CDK13: variants seen among roughly 807,000 people sequenced by gnomAD.
CDK13 encodes cyclin dependent kinase 13.
A neutral mutation model predicts 137.6 loss-of-function variants in CDK13; 40 were observed. The ratio of observed to expected loss-of-function variants is 0.29; its 90% CI spans 0.23 to 0.38. The LOEUF (loss-of-function observed/expected upper bound fraction) is 0.38. Ranked by LOEUF, CDK13 falls within the 10% of genes least tolerant of loss-of-function variation. The pLI, the probability that CDK13 is intolerant of heterozygous loss-of-function variation, is 1.00. For missense variants in CDK13, 1,704 were observed against 1,951.8 expected (o/e 0.87, Z 2.39); for synonymous variants, 869 against 760.1 (o/e 1.14, Z -2.36).
chr7:40,075,061 T>C lies in CDK13; in HGVS notation c.2781-2944T>C, dbSNP rs1397962923. Reference sequence around the variant, plus strand: ...TATAGTATTGATTATAATTCATGTGTAATAAAATTTTGAGGAGAATAAGTA... The same window carrying C: ...TATAGTATTGATTATAATTCATGTGCAATAAAATTTTGAGGAGAATAAGTA... On this transcript the variant is annotated intron_variant, in intron 9 of 13. Transcript: ENST00000181839. Among the ~76,000 whole-genome samples the C allele has an allele frequency of 3.4e-4, 52 of 152,098 alleles. 1 individual carries two copies. Among genetic ancestry groups the C allele is most frequent in the Admixed American group, 3.3e-3 (51 of 15,252 alleles).
At chr7:39,967,509 A>G (rs1455373804) in intron 1 of CDK13, among the ~76,000 whole-genome samples, 1 of 152,196 alleles carries the variant, frequency 6.6e-6, no homozygotes, top group Middle Eastern at 3.4e-3. Flanking sequence ...ATGGACACCT[A>G]GGTTGCTTCC....
intron 5 of CDK13, among the ~76,000 whole-genome samples, chr7:40,011,572 C>T (rs1784895066): frequency 4.6e-5 from 7 of 152,262 alleles, no homozygotes; most frequent in Admixed American, 3.9e-4. Context: ...GCTGGGATAA[C>T]TGGATATCCA....
chr7:40,021,120 T>TACACAC (rs1456910118), intron 5 of CDK13, among the ~76,000 whole-genome samples: 38 of 108,028 alleles, frequency 3.5e-4, no homozygotes, highest in African/African-American at 1.1e-3. Context: ...TATATATATA[T>TACACAC]ATACACACAC....
chr7:39,965,689 G>A (rs537810702), intron 1 of CDK13, among the ~76,000 whole-genome samples: 1 of 152,190 alleles, frequency 6.6e-6, no homozygotes, highest in East Asian at 1.9e-4. Context: ...TTGCTCATTA[G>A]TTGATGCAGT....
Position 40,092,378 on chromosome 7 carries a change from AAT to A in CDK13, c.3236-405_3236-404del, listed in dbSNP as rs569459768. The A allele has an allele frequency of 3.5e-3, 561 of 161,586 alleles. 2 individuals carry two copies. The highest frequency in any genetic ancestry group is 5.4e-3 in the Non-Finnish European group (395 of 73,330). 10.0% of individuals were successfully genotyped at this position (161,586 alleles called of 1,614,324 possible). On this transcript the variant is annotated intron_variant, in intron 12 of 13. Transcript: ENST00000181839. ...TTCTTCTCAGTAAAAGGAGGCTAAT[AAT>A]AGAGTCTGCCTTCTAAGGTTGTTGT...
In CDK13 at chr7:39,951,531, C is replaced by A; in HGVS notation, c.890C>A (p.Pro297His). ...CCGCCTTCGGCCTACAAGGAACCGC[C>A]CAAGGCCTACCGGGAGGACAAGACC... is the stretch of plus-strand genomic sequence containing the variant. ...KEPPSAYKEP[P>H]KAYREDKTEP... is the part of the protein sequence containing the mutation. The change falls in exon 1 of 14, where the codon CCC (proline) becomes CAC (histidine). Residue 297 changes from proline to histidine, a missense_variant. By Grantham distance (77) the Pro-to-His change is moderately conservative. Around this residue, in one of 5 missense-constraint regions of CDK13, gnomAD observed 1,051 missense variants for 931.0 expected, o/e 1.13. Coordinates refer to ENST00000181839, the MANE Select transcript of CDK13 (RefSeq NM_003718.5). 6.5e-7 allele frequency: 1 copy of A among 1,535,972 alleles called. No individual in the cohort carries two copies.
intron 1 of CDK13, chr7:39,986,282 A>G (rs1784336657): frequency 6.6e-6 from 1 of 152,196 alleles, no homozygotes; most frequent in African/African-American, 2.4e-5. Context: ...AAGTCTTGGT[A>G]ATGCATGGAT....
intron 1 of CDK13, among the ~76,000 whole-genome samples, chr7:39,957,635 A>G (rs1787459105): frequency 6.6e-6 from 1 of 152,170 alleles, no homozygotes; most frequent in Non-Finnish European, 1.5e-5. Context: ...CTTCTACTTT[A>G]TTAGAATGAG....
At chr7:39,969,202 A>G (rs926378193) in intron 1 of CDK13, among the ~76,000 whole-genome samples, 2 of 152,044 alleles carry the variant, frequency 1.3e-5, no homozygotes, top group African/African-American at 4.8e-5. Context: ...TAGTAGAGAC[A>G]GGGTTTCACC....
At chr7:40,036,137 C>T (rs890370320) in intron 5 of CDK13, among the ~76,000 whole-genome samples, 23 of 150,338 alleles carry the variant, frequency 1.5e-4, no homozygotes, top group Non-Finnish European at 2.7e-4. Context: ...GCCTGGGCAA[C>T]AGAGTGAGAC....
At chr7:39,996,009 A>C (rs1784553741) in intron 2 of CDK13, among the ~76,000 whole-genome samples, 1 of 152,212 alleles carries the variant, frequency 6.6e-6, no homozygotes, top group African/African-American at 2.4e-5. Flanking sequence ...GACTGTCTTA[A>C]AGAAACAAAA....
chr7:39,971,292 A>G (rs1308202729), intron 1 of CDK13, among the ~76,000 whole-genome samples: 3 of 151,192 alleles, frequency 2.0e-5, no homozygotes, highest in South Asian at 2.1e-4. Context: ...CTAGGGCAGC[A>G]GATCAACTGA....
intron 5 of CDK13, among the ~76,000 whole-genome samples, chr7:40,029,496 C>T (rs201409508): frequency 6.6e-6 from 1 of 151,276 alleles, no homozygotes; most frequent in Non-Finnish European, 1.5e-5. Flanking sequence ...CTGAGGTGGG[C>T]GGATCACAAG....
At position 39,951,748 on chromosome 7, in the gene CDK13, C is replaced by G; in HGVS notation, c.1107C>G (p.Ser369Arg). 1.3e-6 allele frequency: 2 copies of G among 1,497,174 alleles called. No individual in the cohort carries two copies. The highest frequency in any genetic ancestry group is 8.8e-7 in the Non-Finnish European group (1 of 1,135,254). 92.7% of individuals were successfully genotyped at this position (1,497,174 alleles called of 1,614,324 possible). A position where few individuals can be genotyped will look rare whatever the true frequency, so the allele number is the denominator to read the frequency against. Residue 369 changes from serine to arginine, a missense_variant, in exon 1 of 14, where the codon AGC becomes AGG. By Grantham distance (110) the Ser-to-Arg change is moderately radical. This residue lies in a region of CDK13 where 1,051 missense variants were observed against 931.0 expected (regional missense o/e 1.13). Coordinates refer to ENST00000181839, the MANE Select transcript of CDK13 (RefSeq NM_003718.5). ...CCTACAGTCGCCGCCGCTCCCCCAGCTACAGCCGCCACAGCTCCTACGAGC... is the reference window on the plus strand; with the variant it reads ...CCTACAGTCGCCGCCGCTCCCCCAGGTACAGCCGCCACAGCTCCTACGAGC... ...PSPYSRRRSPSYSRHSSYERG... is the reference protein window; with the variant it reads ...PSPYSRRRSPRYSRHSSYERG...
intron 1 of CDK13, among the ~76,000 whole-genome samples, chr7:39,979,520 G>A (rs1784180677): frequency 6.6e-6 from 1 of 151,984 alleles, no homozygotes; most frequent in Non-Finnish European, 1.5e-5. Flanking sequence ...GTGGCCAAGA[G>A]ATTGCTTATT....
At chr7:40,059,856 AGT>A (rs1786102981) in intron 7 of CDK13, among the ~76,000 whole-genome samples, 1 of 152,222 alleles carries the variant, frequency 6.6e-6, no homozygotes, top group Admixed American at 6.5e-5. Context: ...AAATTACATC[AGT>A]GTTTTAAAAT....
rs1030829284 is a variant in CDK13, at chr7:39,999,934, A to T, written c.2182+434A>T. 3.9e-5 allele frequency among the ~76,000 whole-genome samples: 6 copies of T among 152,178 alleles called. No individual in the cohort carries two copies. In the East Asian group the frequency reaches 9.6e-4, roughly 24 times the overall value. ...CCTTGGAGGCCAGTTTTAGCAGCTT[A>T]ATCTTTCAGAACATAATCAGGAATT... is the stretch of plus-strand genomic sequence containing the variant. On this transcript the variant is annotated intron_variant, in intron 4 of 13. Transcript: ENST00000181839.
intron 1 of CDK13, chr7:39,984,848 G>A (rs553479830): frequency 6.6e-6 from 1 of 152,162 alleles, no homozygotes; most frequent in African/African-American, 2.4e-5. Context: ...GTGCAGGCAT[G>A]CCTGTAGTAT....
intron 9 of CDK13, chr7:40,070,283 C>T (rs1333218575): frequency 6.6e-6 from 1 of 151,636 alleles, no homozygotes; most frequent in Non-Finnish European, 1.5e-5. Flanking sequence ...GTGGCACACA[C>T]CTGTAATCCC....
Sources: gnomAD v4.1 joint callset for allele counts (sites outside exome capture counted in the v4.1 genomes callset) on GRCh38, gnomAD v4.1.1 for gene constraint, gnomAD v4.1.1 regional missense constraint, MANE v1.5 for transcripts, NCBI Gene and HGNC (gene_info 2026-07-23, HGNC 2026-07-21) for gene names.